ZNF827: variants seen among roughly 807,000 people sequenced by gnomAD.
ZNF827 encodes zinc finger protein 827.
Under a neutral mutation model 102.4 loss-of-function variants are expected in ZNF827, and 13 were observed. That is an observed-to-expected ratio of 0.13 (90% CI 0.08 to 0.20). The LOEUF (loss-of-function observed/expected upper bound fraction) is 0.20. Ranked by LOEUF, ZNF827 falls within the 10% of genes least tolerant of loss-of-function variation. ZNF827 has a pLI of 1.00. For missense variants in ZNF827, 1,103 were observed against 1,344.4 expected (o/e 0.82, Z 2.81); for synonymous variants, 523 against 536.2 (o/e 0.98, Z 0.34).
intron 8 of ZNF827, among the ~76,000 whole-genome samples, chr4:145,783,103 C>G (rs1738332395): frequency 6.6e-6 from 1 of 152,152 alleles, no homozygotes; most frequent in East Asian, 1.9e-4. Context: ...ATATAAAGCA[C>G]CCAGCATAGT....
At chr4:145,894,776 AC>A (rs1354673788) in intron 2 of ZNF827, among the ~76,000 whole-genome samples, 1 of 152,072 alleles carries the variant, frequency 6.6e-6, no homozygotes, top group Non-Finnish European at 1.5e-5. Context: ...ATTTTTATTA[AC>A]CCCCTGTAGC....
intron 1 of ZNF827, among the ~76,000 whole-genome samples, chr4:145,929,920 G>A (rs1014998731): frequency 2.0e-5 from 3 of 152,184 alleles, no homozygotes; most frequent in Non-Finnish European, 4.4e-5. Context: ...GGAGGACAGG[G>A]AAGATAAGCA....
At chr4:145,925,693 AG>A (rs1429522254) in intron 1 of ZNF827, among the ~76,000 whole-genome samples, 1 of 152,242 alleles carries the variant, frequency 6.6e-6, no homozygotes, top group Non-Finnish European at 1.5e-5. Context: ...AATTCAGTAT[AG>A]TGAAAGACGT....
intron 7 of ZNF827, among the ~76,000 whole-genome samples, chr4:145,845,126 T>C (rs1745806402): frequency 6.6e-6 from 1 of 152,208 alleles, no homozygotes; most frequent in African/African-American, 2.4e-5. Context: ...AACTCAGAAA[T>C]TGGAGGGAGG....
chr4:145,782,505 C>T (rs372766557), intron 8 of ZNF827, among the ~76,000 whole-genome samples: 1 of 152,180 alleles, frequency 6.6e-6, no homozygotes. Context: ...CAATCAGTCA[C>T]CAGAAGCTGG....
At chr4:145,804,237 A>C (rs2126317641) in intron 8 of ZNF827, among the ~76,000 whole-genome samples, 1 of 152,324 alleles carries the variant, frequency 6.6e-6, no homozygotes, top group Middle Eastern at 3.4e-3. Flanking sequence ...GTGAATTTTG[A>C]AGCTTGCATC....
intron 7 of ZNF827, among the ~76,000 whole-genome samples, chr4:145,841,331 T>A (rs1010627236): frequency 6.6e-6 from 1 of 152,224 alleles, no homozygotes; most frequent in Non-Finnish European, 1.5e-5. Context: ...AGGATGTAGA[T>A]CTTCTTTTTA....
At chr4:145,875,773 C>T (rs993152466) in intron 4 of ZNF827, among the ~76,000 whole-genome samples, 4 of 152,158 alleles carry the variant, frequency 2.6e-5, no homozygotes, top group Non-Finnish European at 4.4e-5. Context: ...CGATCTCACC[C>T]TAAACCAAGG....
At chr4:145,890,157 A>G (rs530419623) in intron 3 of ZNF827, among the ~76,000 whole-genome samples, 111 of 152,298 alleles carry the variant, frequency 7.3e-4, no homozygotes, top group African/African-American at 2.6e-3. Context: ...GATTAAAAAA[A>G]GAACAGCCAA....
At chr4:145,936,323 C>T (rs900187545) in intron 1 of ZNF827, among the ~76,000 whole-genome samples, 1 of 151,976 alleles carries the variant, frequency 6.6e-6, no homozygotes, top group African/African-American at 2.4e-5. Context: ...TCTCCTTCCT[C>T]GCACAAAATT....
At chr4:145,938,304 G>A in intron 1 of ZNF827, 61 bp downstream of exon 1, 1 of 1,595,404 alleles carries the variant, frequency 6.3e-7, no homozygotes, top group Non-Finnish European at 8.6e-7. Flanking sequence ...GCTGCGGAGG[G>A]GAAAGAGGAG....
intron 7 of ZNF827, among the ~76,000 whole-genome samples, chr4:145,824,747 C>T (rs557430477): frequency 1.3e-5 from 2 of 152,284 alleles, no homozygotes; most frequent in South Asian, 2.1e-4. Flanking sequence ...GGCAAAACAG[C>T]AGATCTGGAG....
At chr4:145,909,402 T>A (rs1752104886) in intron 1 of ZNF827, among the ~76,000 whole-genome samples, 1 of 152,344 alleles carries the variant, frequency 6.6e-6, no homozygotes, top group South Asian at 2.1e-4. Flanking sequence ...GAAAGCACCA[T>A]CAGGGCTCTC....
Position 145,758,971 on chromosome 4 carries a change from C to T in ZNF827, c.*2645G>A, listed in dbSNP as rs1734173655. The T allele has an allele frequency of 6.6e-6, 1 of 152,154 alleles. No homozygotes were observed. The highest frequency in any genetic ancestry group is 1.5e-5 in the Non-Finnish European group (1 of 68,028). The allele number at this position is 152,154 out of a possible 1,614,324, so 9.4% of individuals were successfully genotyped here. A position where few individuals can be genotyped will look rare whatever the true frequency, so the allele number is the denominator to read the frequency against. On this transcript the variant is annotated 3_prime_UTR_variant, in exon 15 of 15. Transcript: ENST00000508784. ...CTTCCTGTAGAACTGTACTAATTTC[C>T]AGGGAGCTTTCAGCAAAGCAAACTG...
At chr4:145,913,910 T>C (rs1417763157) in intron 1 of ZNF827, among the ~76,000 whole-genome samples, 2 of 152,212 alleles carry the variant, frequency 1.3e-5, no homozygotes, top group Non-Finnish European at 2.9e-5. Context: ...AAGTCTTTAC[T>C]AGGTCAAAGA....
intron 4 of ZNF827, among the ~76,000 whole-genome samples, chr4:145,885,425 A>G (rs766847065): frequency 6.6e-6 from 1 of 152,108 alleles, no homozygotes; most frequent in Non-Finnish European, 1.5e-5. Flanking sequence ...AAAAAAGCAG[A>G]AGGAAATCAA....
chr4:145,896,478 C>T (rs13119482), intron 2 of ZNF827, among the ~76,000 whole-genome samples: 8,008 of 152,222 alleles, frequency 0.053, 240 homozygotes, highest in African/African-American at 0.059. Context: ...GAAGTCCTTA[C>T]CTTTGTGTCT....
intron 1 of ZNF827, among the ~76,000 whole-genome samples, chr4:145,928,099 G>T (rs12331850): frequency 0.068 from 10,341 of 152,126 alleles, 620 homozygotes; most frequent in African/African-American, 0.16. Context: ...AGGTCCACGA[G>T]CTAATTTTAG....
chr4:145,905,894 ATAT>A (rs531434822), intron 1 of ZNF827, among the ~76,000 whole-genome samples: 117 of 152,290 alleles, frequency 7.7e-4, no homozygotes, highest in African/African-American at 2.7e-3. Context: ...ACGGGAAAAT[ATAT>A]TATTCAAATT....
Sources: allele counts gnomAD v4.1 joint callset (sites outside exome capture counted in the v4.1 genomes callset), GRCh38; gene constraint gnomAD v4.1.1; transcripts MANE v1.5; gene names NCBI Gene and HGNC (gene_info 2026-07-23, HGNC 2026-07-21).